RARB: variants seen among roughly 807,000 people sequenced by gnomAD.
RARB encodes the protein retinoic acid receptor beta, also known as HBV-activated protein.
Under a neutral mutation model 51.9 loss-of-function variants are expected in RARB, and 17 were observed. The ratio of observed to expected loss-of-function variants is 0.33; its 90% CI spans 0.22 to 0.49. The LOEUF (loss-of-function observed/expected upper bound fraction) is 0.49, where lower values mean the gene tolerates loss of function less well. Among genes scored for constraint, RARB ranks in the 20% least tolerant of loss-of-function variants. The pLI is 0.99. For missense variants in RARB, 369 were observed against 550.8 expected (o/e 0.67, Z 3.30); for synonymous variants, 215 against 195.4 (o/e 1.10, Z -0.84).
rs181203004 is a variant in RARB, at chr3:25,073,198, G to A, written c.-328+13022G>A. 8.5e-4 allele frequency among the ~76,000 whole-genome samples: 130 copies of A among 152,288 alleles called. 1 individual carries two copies. The highest frequency in any genetic ancestry group is 2.8e-3 in the African/African-American group (115 of 41,572). ...GTAATACAAAGGGAATATCTCAGCCGTAATGAAGCAGAGAAAGCATGACGA... is the reference window on the plus strand; with the variant it reads ...GTAATACAAAGGGAATATCTCAGCCATAATGAAGCAGAGAAAGCATGACGA... On this transcript the variant is annotated intron_variant, in intron 3 of 11. Coordinates refer to the RARB transcript ENST00000383772.
At chr3:24,962,165 G>A (rs936765613) in intron 2 of RARB, among the ~76,000 whole-genome samples, 20 of 151,650 alleles carry the variant, frequency 1.3e-4, no homozygotes, top group Admixed American at 9.9e-4. Context: ...TCCTGACCTC[G>A]TGATCTGCCT....
chr3:24,955,659 C>T (rs1388072232), intron 2 of RARB, among the ~76,000 whole-genome samples: 5 of 152,126 alleles, frequency 3.3e-5, no homozygotes, highest in Admixed American at 1.3e-4. Context: ...AAAATGATTA[C>T]CCTAATGTGC....
chr3:25,378,987 T>C (rs1706547821), intron 5 of RARB, among the ~76,000 whole-genome samples: 1 of 152,232 alleles, frequency 6.6e-6, no homozygotes, highest in Non-Finnish European at 1.5e-5. Flanking sequence ...CTTCCCTAAT[T>C]ATTTAAGATT....
At chr3:24,994,351 A>G (rs917410027) in intron 2 of RARB, among the ~76,000 whole-genome samples, 1 of 151,652 alleles carries the variant, frequency 6.6e-6, no homozygotes, top group Non-Finnish European at 1.5e-5. Context: ...AATTGGCTGT[A>G]TTTTTCTTGT....
chr3:25,349,828 A>C (rs1457673907), intron 5 of RARB, among the ~76,000 whole-genome samples: 1 of 152,192 alleles, frequency 6.6e-6, no homozygotes, highest in Admixed American at 6.5e-5. Context: ...TTTGCTCATG[A>C]GTCTACAATT....
chr3:25,438,491 T>G (rs926480919), intron 1 of RARB, among the ~76,000 whole-genome samples: 3 of 152,200 alleles, frequency 2.0e-5, no homozygotes, highest in African/African-American at 7.2e-5. Flanking sequence ...GTTGGTTCCA[T>G]GTTTAATGAA....
chr3:25,105,271 G>A (rs550297914), intron 3 of RARB, among the ~76,000 whole-genome samples: 2 of 152,108 alleles, frequency 1.3e-5, no homozygotes, highest in South Asian at 2.1e-4. Context: ...ATGAGCTTTA[G>A]GATGTGCATT....
At chr3:25,511,961 C>T (rs1697915806) in intron 3 of RARB, among the ~76,000 whole-genome samples, 1 of 152,132 alleles carries the variant, frequency 6.6e-6, no homozygotes, top group African/African-American at 2.4e-5. Flanking sequence ...AAAGCCTGGA[C>T]TTAAGGGGGA....
chr3:25,351,670 G>C (rs1453534129), intron 5 of RARB, among the ~76,000 whole-genome samples: 3 of 152,128 alleles, frequency 2.0e-5, no homozygotes, highest in African/African-American at 4.8e-5. Context: ...CTTTGAAAAA[G>C]CATTTTAAAT....
chr3:25,143,168 T>G (rs968434889), intron 4 of RARB, among the ~76,000 whole-genome samples: 2 of 151,962 alleles, frequency 1.3e-5, no homozygotes, highest in East Asian at 3.9e-4. Context: ...AGACACACAC[T>G]CCCAACTCAC....
intron 5 of RARB, among the ~76,000 whole-genome samples, chr3:25,253,750 G>T (rs322713): frequency 0.21 from 31,339 of 152,052 alleles, 3,605 homozygotes; most frequent in African/African-American, 0.31. Flanking sequence ...TGAGTTATCA[G>T]TTGTCAATAA....
In RARB at chr3:25,465,823, G is replaced by A. The variant is rs577078646; in HGVS notation, c.306+4482G>A. Among the ~76,000 whole-genome samples, 4 of 148,186 alleles carry A rather than the reference G, an allele frequency of 2.7e-5. No homozygotes were observed. In the South Asian group the frequency reaches 8.5e-4, roughly 31 times the overall value. On this transcript the variant is annotated intron_variant, in intron 2 of 7. Transcript: ENST00000330688. ...ATGTTTAACAGTATAAAATAATAAAGCAATATTAAAAAAATAATAGGACAA... is the reference window on the plus strand; with the variant it reads ...ATGTTTAACAGTATAAAATAATAAAACAATATTAAAAAAATAATAGGACAA...
chr3:25,474,703 A>C (rs775313256), intron 2 of RARB, among the ~76,000 whole-genome samples: 22 of 152,240 alleles, frequency 1.4e-4, no homozygotes, highest in Non-Finnish European at 1.5e-5. Context: ...GAAAGTTTTC[A>C]TTCCAATACC....
intron 3 of RARB, among the ~76,000 whole-genome samples, chr3:25,061,382 T>C (rs1340088115): frequency 6.6e-6 from 1 of 151,908 alleles, no homozygotes; most frequent in Non-Finnish European, 1.5e-5. Context: ...ATATTTTTAT[T>C]TAATCTTCCA....
intron 5 of RARB, among the ~76,000 whole-genome samples, chr3:25,209,560 A>G (rs895324849): frequency 1.6e-4 from 25 of 152,214 alleles, no homozygotes; most frequent in Admixed American, 3.9e-4. Context: ...GAAGGGAGGC[A>G]GACCCATGGA....
At chr3:24,918,511 C>A (rs571766776) in intron 2 of RARB, among the ~76,000 whole-genome samples, 4 of 152,204 alleles carry the variant, frequency 2.6e-5, no homozygotes, top group Non-Finnish European at 2.9e-5. Context: ...TACCAAAAAC[C>A]ATTAAATTAT....
In RARB at chr3:25,596,403, T is replaced by C; in HGVS notation, c.1151-17T>C. 2 of 1,589,192 alleles carry C rather than the reference T, an allele frequency of 1.3e-6. No individual in the cohort carries two copies. Among genetic ancestry groups the C allele is most frequent in the South Asian group, 2.2e-5 (2 of 90,078 alleles). On this transcript the variant is annotated splice_polypyrimidine_tract_variant and intron_variant, in intron 7 of 7. Transcript: ENST00000330688. ...ACTCCTTATCTTAACCATATTTCCA[T>C]TATCTCTTTTGAAAAGGTGCAGAGC...
At chr3:25,526,592 ATAAAT>A (rs780588298) in intron 3 of RARB, among the ~76,000 whole-genome samples, 1 of 152,200 alleles carries the variant, frequency 6.6e-6, no homozygotes. Flanking sequence ...ATTTTGATAA[ATAAAT>A]TAGAGATAGA....
At chr3:25,322,509 A>G (rs888331915) in intron 5 of RARB, among the ~76,000 whole-genome samples, 1 of 152,236 alleles carries the variant, frequency 6.6e-6, no homozygotes, top group Non-Finnish European at 1.5e-5. Flanking sequence ...GCACACATAT[A>G]TAAATCATAT....
Sources: gnomAD v4.1 joint callset for allele counts (sites outside exome capture counted in the v4.1 genomes callset) on GRCh38, gnomAD v4.1.1 for gene constraint, MANE v1.5 for transcripts, NCBI Gene and HGNC (gene_info 2026-07-23, HGNC 2026-07-21) for gene names.